The following ALDH1L1 variants were observed in gnomAD, a reference collection of about 807,000 sequenced individuals.
ALDH1L1 encodes the protein cytosolic 10-formyltetrahydrofolate dehydrogenase.
ALDH1L1 carries 68 observed loss-of-function variants against 101.1 expected under a neutral mutation model. That is an observed-to-expected ratio of 0.67 (90% confidence interval 0.55 to 0.82). The LOEUF (loss-of-function observed/expected upper bound fraction) is 0.82, where lower values mean the gene tolerates loss of function less well. ALDH1L1 is among the 40% of genes least tolerant of loss of function. The probability of loss-of-function intolerance (pLI) is 0.00; values close to 1 mark genes in which losing one functional copy is unlikely to be tolerated. For synonymous variants in ALDH1L1, 486 were observed against 470.8 expected (o/e 1.03, Z -0.42); for missense variants, 1,087 against 1,172.7 (o/e 0.93, Z 1.07).
At chr3:126,160,726 T>C in intron 2 of ALDH1L1, 127 bp downstream of exon 2, 1 of 1,414,590 alleles carries the variant, frequency 7.1e-7, no homozygotes, top group Non-Finnish European at 9.5e-7. Context: ...AGACCACTTA[T>C]GGCTGCCTCC....
Position 126,146,901 on chromosome 3 carries a change from T to C in ALDH1L1, c.1010A>G (p.Lys337Arg). The C allele has an allele frequency of 6.2e-7, 1 of 1,613,928 alleles. No homozygotes were observed. The change falls in exon 9 of 23, where the codon AAA (lysine) becomes AGA (arginine). Residue 337 changes from lysine (K) to arginine (R), a missense_variant. Physicochemically the swap from Lys to Arg is conservative, Grantham distance 26 (BLOSUM62 2). Coordinates refer to ENST00000393434, the MANE Select transcript of ALDH1L1 (RefSeq NM_012190.4). ...VRSVWQRILP[K>R]VLEVEDSTDF... Reference sequence around the variant, plus strand: ...AGTGGAGTCTTCAACCTCCAGGACTTTGGGGAGGATCCGCTGCCAAACACT... The same window carrying C: ...AGTGGAGTCTTCAACCTCCAGGACTCTGGGGAGGATCCGCTGCCAAACACT...
intron 18 of ALDH1L1, 144 bp downstream of exon 18, chr3:126,114,413 G>A (rs77235584): frequency 1.8e-6 from 1 of 563,906 alleles, no homozygotes; most frequent in Non-Finnish European, 2.8e-6. Flanking sequence ...CCTGCTGCCT[G>A]CCACGCTATG....
In ALDH1L1 at chr3:126,130,247, G is replaced by A. The variant is rs146868925; in HGVS notation, c.1670C>T (p.Thr557Ile). Residue 557 changes from threonine (T) to isoleucine (I), a missense_variant, in exon 14 of 23, where the codon ACC (threonine) becomes ATC (isoleucine). This residue lies in a region of ALDH1L1 where 442 missense variants were observed against 535.7 expected (regional missense o/e 0.83). Transcript: ENST00000393434. ...INQARPNRNL[T>I]LTRKEPVGVC... ...CCCAACAGGCTCCTTCCTGGTCAAGGTCAGGTTGCGGTTGGGTCTGGCCTG... is the reference window on the plus strand; with the variant it reads ...CCCAACAGGCTCCTTCCTGGTCAAGATCAGGTTGCGGTTGGGTCTGGCCTG... 2 of 1,610,328 alleles carry A rather than the reference G, an allele frequency of 1.2e-6. No individual in the cohort carries two copies. The highest frequency in any genetic ancestry group is 2.7e-5 in the African/African-American group (2 of 74,772).
upstream of ALDH1L1, chr3:126,181,097 C>T (rs2081469079): frequency 4.1e-6 from 5 of 1,206,684 alleles, no homozygotes; most frequent in Non-Finnish European, 5.9e-6. Flanking sequence ...AGTGCCTACC[C>T]GCCTCTCCGA....
At chr3:126,130,028 C>T (rs2080268356) in intron 14 of ALDH1L1, 195 bp downstream of exon 14, 1 of 475,578 alleles carries the variant, frequency 2.1e-6, no homozygotes, top group Non-Finnish European at 3.5e-6. Flanking sequence ...TCCAGTGTTA[C>T]TGGGAGATTA....
chr3:126,150,321 C>T (rs1389844745), intron 8 of ALDH1L1, 85 bp downstream of exon 8: 6 of 1,496,402 alleles, frequency 4.0e-6, no homozygotes, highest in African/African-American at 2.8e-5. Context: ...CTGGCGCTGC[C>T]CAACTCTGGG....
intron 7 of ALDH1L1, chr3:126,152,443 A>G (rs1011716065): frequency 3.9e-5 from 6 of 152,206 alleles, no homozygotes; most frequent in African/African-American, 1.2e-4. Flanking sequence ...GCATATATCA[A>G]TCTTGGATAC....
chr3:126,139,041 G>C (rs548988593), intron 9 of ALDH1L1, among the ~76,000 whole-genome samples: 1 of 152,324 alleles, frequency 6.6e-6, no homozygotes, highest in Non-Finnish European at 1.5e-5. Context: ...GTTGAAGCAG[G>C]GCTGGGTCAT....
chr3:126,109,913 A>T lies in ALDH1L1; in HGVS notation c.2347+31T>A, dbSNP rs377289959. ...GCCATGGGACCTGCTGCCTCAATTG[A>T]CCCAAGCGGACCTGACACACTCTGA... On this transcript the variant is annotated intron_variant, in intron 20 of 22. Transcript: ENST00000393434. 13 of 1,609,964 alleles carry T rather than the reference A, an allele frequency of 8.1e-6. No individual in the cohort carries two copies. In the African/African-American group the frequency reaches 1.3e-4, roughly 17 times the overall value.
rs1444581325 is a variant in ALDH1L1, at chr3:126,125,702, G to A, written c.1714C>T (p.Pro572Ser). ...EPVGVCGIII[P>S]WNYPLMMLSW... Reference sequence around the variant, plus strand: ...AGCATCATCAGGGGATAGTTCCAGGGGATGATGATGCCACAAACCCTGCCA... The same window carrying A: ...AGCATCATCAGGGGATAGTTCCAGGAGATGATGATGCCACAAACCCTGCCA... The change falls in exon 15 of 23, where the codon CCC (proline) becomes TCC (serine). Residue 572 changes from proline to serine, a missense_variant. Around this residue, in one of 2 missense-constraint regions of ALDH1L1, gnomAD observed 442 missense variants for 535.7 expected, o/e 0.83. Transcript: ENST00000393434. The A allele has an allele frequency of 1.3e-6, 2 of 1,578,330 alleles. No homozygotes were observed. The highest frequency in any genetic ancestry group is 1.7e-6 in the Non-Finnish European group (2 of 1,160,744).
chr3:126,126,254 C>G (rs866230188), intron 14 of ALDH1L1, among the ~76,000 whole-genome samples: 68 of 152,158 alleles, frequency 4.5e-4, no homozygotes, highest in African/African-American at 1.5e-3. Context: ...GAGCCTCTGG[C>G]CAGGCACAGG....
At chr3:126,171,840 C>T (rs2108326488) in intron 1 of ALDH1L1, among the ~76,000 whole-genome samples, 1 of 152,280 alleles carries the variant, frequency 6.6e-6, no homozygotes, top group Non-Finnish European at 1.5e-5. Context: ...GGTGCAGGCT[C>T]ACTGAAACAC....
intron 15 of ALDH1L1, among the ~76,000 whole-genome samples, chr3:126,124,927 C>T (rs182150800): frequency 6.6e-5 from 10 of 152,310 alleles, no homozygotes; most frequent in East Asian, 5.8e-4. Flanking sequence ...GCCCTTGCCG[C>T]GAAATTACCC....
chr3:126,168,035 T>A (rs2081202306), intron 1 of ALDH1L1, among the ~76,000 whole-genome samples: 1 of 152,096 alleles, frequency 6.6e-6, no homozygotes, highest in Admixed American at 6.5e-5. Context: ...ATAAAAACAG[T>A]AAAAAGTGTT....
In ALDH1L1 at chr3:126,124,390, C is replaced by T; in HGVS notation, c.1862G>A (p.Gly621Asp). The change falls in exon 16 of 23, where the codon GGT becomes GAT. Residue 621 changes from glycine (G) to aspartate (D), a missense_variant. Transcript: ENST00000393434. ...AGATCCTGGGAGGACGTTAACCACACCTTTGGGAATGCCGGCCTTTAATGT... is the reference window on the plus strand; with the variant it reads ...AGATCCTGGGAGGACGTTAACCACATCTTTGGGAATGCCGGCCTTTAATGT... ...ELTLKAGIPK[G>D]VVNVLPGSGS... 6.2e-7 allele frequency: 1 copy of T among 1,612,540 alleles called. No individual in the cohort carries two copies. The highest frequency in any genetic ancestry group is 8.5e-7 in the Non-Finnish European group (1 of 1,179,342).
intron 1 of ALDH1L1, among the ~76,000 whole-genome samples, chr3:126,177,179 T>C (rs1168489091): frequency 6.6e-6 from 1 of 152,252 alleles, no homozygotes; most frequent in East Asian, 1.9e-4. Flanking sequence ...ACTTTTACCA[T>C]GTGATCCATC....
intron 1 of ALDH1L1, among the ~76,000 whole-genome samples, chr3:126,167,003 G>C (rs972291542): frequency 6.6e-6 from 1 of 152,058 alleles, no homozygotes; most frequent in South Asian, 2.1e-4. Flanking sequence ...AACTAGTCCA[G>C]TTTAATTTTT....
chr3:126,152,931 T>TATAAAA (rs1222137698), intron 7 of ALDH1L1: 1 of 234,064 alleles, frequency 4.3e-6, no homozygotes, highest in Non-Finnish European at 8.5e-6. Flanking sequence ...TAAAAGGTGC[T>TATAAAA]CCATCAGTGT....
At chr3:126,188,533 T>C (rs1389382528) in intron 1 of ALDH1L1, among the ~76,000 whole-genome samples, 2 of 152,192 alleles carry the variant, frequency 1.3e-5, no homozygotes, top group African/African-American at 2.4e-5. Flanking sequence ...AGTAGCCTCC[T>C]GCAAATTTAA....
Sources: gnomAD v4.1 joint callset for allele counts (sites outside exome capture counted in the v4.1 genomes callset) on GRCh38, gnomAD v4.1.1 for gene constraint, gnomAD v4.1.1 regional missense constraint, MANE v1.5 for transcripts, NCBI Gene and HGNC (gene_info 2026-07-23, HGNC 2026-07-21) for gene names.